Variants in SYNE1 observed in about 807,000 individuals in gnomAD.
SYNE1 encodes the protein spectrin repeat containing nuclear envelope protein 1.
SYNE1 carries 616 observed loss-of-function variants against 1,111.0 expected under a neutral mutation model. The observed-to-expected ratio is 0.55, with a 90% CI of 0.52 to 0.59. SYNE1 has a LOEUF of 0.59. SYNE1 is among the 20% of genes least tolerant of loss of function. The probability of loss-of-function intolerance (pLI) is 0.00; values close to 1 mark genes in which losing one functional copy is unlikely to be tolerated. For synonymous variants in SYNE1, 3,855 were observed against 3,825.8 expected, an observed-to-expected ratio of 1.01 and a Z score of -0.28; for missense variants, 10,006 against 10,417.0, an observed-to-expected ratio of 0.96 and a Z score of 1.72.
intron 99 of SYNE1, among the ~76,000 whole-genome samples, chr6:152,268,881 A>T (rs1314473921): frequency 1.3e-5 from 2 of 152,216 alleles, no homozygotes; most frequent in Non-Finnish European, 2.9e-5. Flanking sequence ...TGAAAACAGA[A>T]TAGGTATCTC....
At chr6:152,496,408 C>A (rs1443874408) in intron 11 of SYNE1, among the ~76,000 whole-genome samples, 1 of 152,218 alleles carries the variant, frequency 6.6e-6, no homozygotes, top group Admixed American at 6.5e-5. Flanking sequence ...TGGGCACTCT[C>A]TAACTGGATG....
At chr6:152,329,031 T>G (rs897055571) in intron 78 of SYNE1, among the ~76,000 whole-genome samples, 2 of 152,184 alleles carry the variant, frequency 1.3e-5, no homozygotes, top group African/African-American at 4.8e-5. Context: ...AATACCAGCC[T>G]TCACATTGTT....
chr6:152,626,084 C>G (rs899517917), intron 3 of SYNE1, among the ~76,000 whole-genome samples: 3 of 152,160 alleles, frequency 2.0e-5, no homozygotes, highest in Admixed American at 6.6e-5. Context: ...AAAACTAAAT[C>G]TACTAAAAAA....
intron 14 of SYNE1, among the ~76,000 whole-genome samples, chr6:152,478,805 G>A (rs557329573): frequency 5.9e-5 from 9 of 152,218 alleles, no homozygotes; most frequent in South Asian, 2.1e-4. Context: ...TAGTCATCGC[G>A]CCTGGGGGTG....
At chr6:152,505,466 A>G (rs1200086314) in intron 8 of SYNE1, 69 bp from the exon 9 acceptor site, 21 of 1,526,978 alleles carry the variant, frequency 1.4e-5, no homozygotes, top group East Asian at 4.6e-5. Context: ...TCAAGGCCTC[A>G]TGCAAAATCC....
intron 21 of SYNE1, among the ~76,000 whole-genome samples, chr6:152,460,118 C>T (rs890038917): frequency 6.6e-6 from 1 of 152,152 alleles, no homozygotes; most frequent in African/African-American, 2.4e-5. Flanking sequence ...AGGCAAATGA[C>T]AATTTGCTTT....
intron 8 of SYNE1, among the ~76,000 whole-genome samples, chr6:152,509,360 G>GAT (rs2099073936): frequency 6.8e-6 from 1 of 147,646 alleles, no homozygotes; most frequent in African/African-American, 2.5e-5. Flanking sequence ...AGGTTCAAGC[G>GAT]ATTCTGGTGC....
chr6:152,381,574 GA>G (rs1563557015), intron 55 of SYNE1: 1 of 602,668 alleles, frequency 1.7e-6, no homozygotes, highest in Non-Finnish European at 2.9e-6. Context: ...AAAATCCCGA[GA>G]ATCCTCAATA....
In SYNE1 at chr6:152,321,517, G is replaced by A. The variant is rs1242338223; in HGVS notation, c.16084-127C>T. On this transcript the variant is annotated intron_variant, in intron 83 of 145. Coordinates refer to ENST00000367255, the MANE Select transcript of SYNE1 (RefSeq NM_182961.4). ...TAGAAAAATATCTTAATACAACATT[G>A]TTCTTTTGTCTCTGAATATAAAGTA... is the stretch of plus-strand genomic sequence containing the variant. The A allele has an allele frequency of 2.3e-5, 30 of 1,315,512 alleles. No homozygotes were observed. In the South Asian group the frequency reaches 3.7e-4, roughly 16 times the overall value. 81.5% of individuals were successfully genotyped at this position (1,315,512 alleles called of 1,614,324 possible). A position where few individuals can be genotyped will look rare whatever the true frequency, so the allele number is the denominator to read the frequency against.
intron 6 of SYNE1, among the ~76,000 whole-genome samples, chr6:152,519,131 G>T (rs2099126899): frequency 6.6e-6 from 1 of 151,920 alleles, no homozygotes; most frequent in Non-Finnish European, 1.5e-5. Context: ...AAAACTTAAA[G>T]TATAATAATA....
chr6:152,533,564 C>A (rs894409986), intron 4 of SYNE1, among the ~76,000 whole-genome samples: 1 of 152,038 alleles, frequency 6.6e-6, no homozygotes, highest in African/African-American at 2.4e-5. Flanking sequence ...AGTATCCAAC[C>A]ACCTCTCATC....
At position 152,331,354 on chromosome 6, in the gene SYNE1, C is replaced by T. The variant is rs139075013; in HGVS notation, c.13331G>A (p.Arg4444Gln). 3.7e-5 allele frequency: 59 copies of T among 1,614,202 alleles called. No individual in the cohort carries two copies. The highest frequency in any genetic ancestry group is 1.8e-4 in the East Asian group (8 of 44,888). The change falls in exon 78 of 146, where the codon CGA (arginine) becomes CAA (glutamine). Residue 4444 changes from arginine to glutamine, a missense_variant. Around this residue, in one of 7 missense-constraint regions of SYNE1, gnomAD observed 4,955 missense variants for 5,017.2 expected, o/e 0.99. Coordinates refer to ENST00000367255, the MANE Select transcript of SYNE1 (RefSeq NM_182961.4). ...CAAGGCTTTGTTTAAGTACTTTCTTCGCTGGCCCACTAAGTCACTGAGACA... is the reference window on the plus strand; with the variant it reads ...CAAGGCTTTGTTTAAGTACTTTCTTTGCTGGCCCACTAAGTCACTGAGACA... ...VNCLSDLVGQ[R>Q]RKYLNKALSE...
rs752974136 is a variant in SYNE1, at chr6:152,308,579, T to C, written c.17256A>G (p.Gln5752=). ...TCTCTCTGTGAGCTCCTTCTATCAG[T>C]TGCTGGAGATGTTTCATTTCTTGCT... is the stretch of plus-strand genomic sequence containing the variant. ...QYEQEMKHLQ[Q]LIEGAHREIE... is the part of the protein sequence containing the mutation. The change falls in exon 91 of 146, where the codon CAA becomes CAG. Residue 5752 remains glutamine, a synonymous_variant. Transcript: ENST00000367255. The C allele has an allele frequency of 6.2e-7, 1 of 1,613,990 alleles. No individual in the cohort carries two copies. Among genetic ancestry groups the C allele is most frequent in the Non-Finnish European group, 8.5e-7 (1 of 1,180,016 alleles).
intron 131 of SYNE1, among the ~76,000 whole-genome samples, chr6:152,163,608 C>T (rs142177879): frequency 1.5e-4 from 23 of 151,794 alleles, no homozygotes; most frequent in African/African-American, 3.6e-4. Context: ...TTGGGTTGTA[C>T]GCCGCCAGTG....
rs555792275 is a variant in SYNE1 at position 152,206,283 on chromosome 6, G to C, written c.22904C>G (p.Ala7635Gly). Residue 7635 changes from alanine (A) to glycine (G), a missense_variant, in exon 126 of 146, where the codon GCG (alanine) becomes GGG (glycine). This residue lies in a region of SYNE1 where 2,182 missense variants were observed against 2,287.8 expected (regional missense o/e 0.95). Coordinates refer to ENST00000367255, the MANE Select transcript of SYNE1 (RefSeq NM_182961.4). ...VEAGKQLLLS[A>G]DSGAEAALQA... is the part of the protein sequence containing the mutation. Reference sequence around the variant, plus strand: ...CAAGGCGGCCTCAGCGCCACTGTCCGCCGAGAGAAGGAGTTGCTTGCCAGC... The same window carrying C: ...CAAGGCGGCCTCAGCGCCACTGTCCCCCGAGAGAAGGAGTTGCTTGCCAGC... 3 of 1,613,798 alleles carry C rather than the reference G, an allele frequency of 1.9e-6. No individual in the cohort carries two copies. The highest frequency in any genetic ancestry group is 2.2e-5 in the South Asian group (2 of 91,066).
At chr6:152,434,903 C>T (rs1563995379) in intron 33 of SYNE1, 2 of 152,112 alleles carry the variant, frequency 1.3e-5, no homozygotes, top group Non-Finnish European at 2.9e-5. Flanking sequence ...CTAATGCTGT[C>T]AGCAGTACAG....
At chr6:152,559,536 A>G (rs1057212379) in intron 3 of SYNE1, among the ~76,000 whole-genome samples, 1 of 152,188 alleles carries the variant, frequency 6.6e-6, no homozygotes, top group Non-Finnish European at 1.5e-5. Context: ...TCATTGAACA[A>G]TCAATGGGCC....
intron 107 of SYNE1, 146 bp downstream of exon 107, chr6:152,242,094 A>G: frequency 2.6e-6 from 2 of 764,814 alleles, no homozygotes; most frequent in South Asian, 1.5e-5. Context: ...TTGAATATAA[A>G]TTTTTTGGCC....
chr6:152,261,995 T>C (rs775132201), intron 101 of SYNE1, 37 bp downstream of exon 101: 43 of 1,520,998 alleles, frequency 2.8e-5, no homozygotes, highest in Non-Finnish European at 3.6e-5. Flanking sequence ...TCTACATCTT[T>C]TATATTAGTT....
Sources: allele counts gnomAD v4.1 joint callset (sites outside exome capture counted in the v4.1 genomes callset), GRCh38; gene constraint gnomAD v4.1.1; regional missense constraint gnomAD v4.1.1; transcripts MANE v1.5; gene names NCBI Gene and HGNC (gene_info 2026-07-23, HGNC 2026-07-21).